The following INO80E variants were observed in gnomAD, a reference collection of about 807,000 sequenced individuals.
INO80E encodes INO80 complex subunit E, also known as coiled-coil domain containing 95.
In INO80E, 20 loss-of-function variants were observed where a neutral mutation model predicts 27.3. The ratio of observed to expected loss-of-function variants is 0.73; its 90% CI spans 0.51 to 1.06. The LOEUF is 1.06. INO80E is among the 50% of genes least tolerant of loss of function. The probability of loss-of-function intolerance (pLI) is 0.00; values close to 1 mark genes in which losing one functional copy is unlikely to be tolerated. For missense variants in INO80E, 357 were observed against 322.8 expected (o/e 1.11, Z -0.81); for synonymous variants, 167 against 145.9 (o/e 1.14, Z -1.04).
rs2070435310 is a variant in INO80E, at chr16:30,003,771, G to A, written c.514-1450G>A. ...GTCAGGCTGAGAGGACGCCACTGAG[G>A]AAGTCCAGGCCAGGGTGGGACATGC... is the stretch of plus-strand genomic sequence containing the variant. On this transcript the variant is annotated intron_variant, in intron 6 of 6. Transcript: ENST00000563197. This position sits in a 1 kb window ranked among gnomAD's most constrained non-coding sequence, Gnocchi z 4.4. The A allele has an allele frequency of 6.6e-6, 1 of 152,390 alleles. No homozygotes were observed. Among genetic ancestry groups the A allele is most frequent in the Non-Finnish European group, 1.5e-5 (1 of 68,096 alleles). 9.4% of individuals were successfully genotyped at this position (152,390 alleles called of 1,614,324 possible).
At chr16:29,996,668 A>G in intron 2 of INO80E, 51 bp downstream of exon 2, 1 of 1,584,042 alleles carries the variant, frequency 6.3e-7, no homozygotes, top group Non-Finnish European at 8.6e-7. Flanking sequence ...GGAAATCTAC[A>G]TTCGGACCCC....
chr16:30,001,015 G>A lies in INO80E; in HGVS notation c.371G>A (p.Gly124Glu). 1.3e-6 allele frequency: 2 copies of A among 1,551,966 alleles called. No individual in the cohort carries two copies. Among genetic ancestry groups the A allele is most frequent in the Non-Finnish European group, 1.7e-6 (2 of 1,147,928 alleles). Residue 124 changes from glycine (G) to glutamate (E), a missense_variant, in exon 5 of 7, where the codon GGG becomes GAG. Coordinates refer to ENST00000563197, the MANE Select transcript of INO80E (RefSeq NM_173618.3). Reference protein sequence around the residue: ...PSTGFPLQASGVPSPYLSSLA... With the variant: ...PSTGFPLQASEVPSPYLSSLA... ...ACAGGGTTTCCCCTTCAGGCCTCCG[G>A]GGTCCCCTCCCCATACCTGAGCTCG...
chr16:29,996,834 AC>A lies in INO80E; in HGVS notation c.180del (p.Tyr60Ter). Reference sequence around the variant, plus strand: ...TTCCTCCTAGACCGACTTCTGCAGTACGAGAACGTGGATGAAGACTCTTCGG... The same window carrying A: ...TTCCTCCTAGACCGACTTCTGCAGTAGAGAACGTGGATGAAGACTCTTCGG... The part of the protein sequence containing the change: ...KSFLLDRLLQ[Y>X]ENVDEDSSDS... On this transcript the variant is annotated frameshift_variant, in exon 3 of 7. Coordinates refer to ENST00000563197, the MANE Select transcript of INO80E (RefSeq NM_173618.3). LOFTEE classifies it high-confidence loss of function. 6.2e-7 allele frequency: 1 copy of A among 1,614,162 alleles called. No individual in the cohort carries two copies. The highest frequency in any genetic ancestry group is 1.3e-5 in the African/African-American group (1 of 75,032).
At chr16:30,001,864 G>C (rs537168858) in intron 6 of INO80E, 7 of 284,926 alleles carry the variant, frequency 2.5e-5, no homozygotes, top group Middle Eastern at 1.1e-3. Context: ...ATGGGATCTA[G>C]AGTCAAGTCA....
At chr16:29,996,731 A>G in intron 2 of INO80E, 77 bp from the exon 3 acceptor site, 5 of 1,593,592 alleles carry the variant, frequency 3.1e-6, no homozygotes, top group African/African-American at 1.3e-5. Context: ...CCGATGGGCC[A>G]GCTGGGAGGG....
At position 30,000,927 on chromosome 16, in the gene INO80E, A is replaced by G; in HGVS notation, c.285-2A>G. ...TCTGACCTCGCCCTGTCCTTTCTCC[A>G]GGAAGAGAAGCCCTCCGCTGGGGGG... On this transcript the variant is annotated splice_acceptor_variant, in intron 4 of 6. Transcript: ENST00000563197. LOFTEE classifies it high-confidence loss of function. The G allele has an allele frequency of 6.2e-7, 1 of 1,601,582 alleles. No homozygotes were observed.
In INO80E at chr16:30,005,747, T is replaced by C; in HGVS notation, c.*305T>C. 2.0e-6 allele frequency: 1 copy of C among 490,916 alleles called. No individual in the cohort carries two copies. The highest frequency in any genetic ancestry group is 3.6e-6 in the Non-Finnish European group (1 of 277,898). The allele number at this position is 490,916 out of a possible 1,614,324, so 30.4% of individuals were successfully genotyped here. A position where few individuals can be genotyped will look rare whatever the true frequency, so the allele number is the denominator to read the frequency against. On this transcript the variant is annotated 3_prime_UTR_variant, in exon 7 of 7. Transcript: ENST00000563197. The stretch of plus-strand genomic sequence containing the variant: ...CTTTAAAAGGGCAGCTGTACAGGGC[T>C]AGGTTTTTTCAATGAAGTTTCTGTA...
rs545788474 is a variant in INO80E, at chr16:30,005,340, C to A, written c.633C>A (p.Pro211=). The A allele has an allele frequency of 6.7e-5, 101 of 1,503,276 alleles. No individual in the cohort carries two copies. Among genetic ancestry groups the A allele is most frequent in the Middle Eastern group, 2.3e-4 (1 of 4,274 alleles). The allele number at this position is 1,503,276 out of a possible 1,614,324, so 93.1% of individuals were successfully genotyped here. A position where few individuals can be genotyped will look rare whatever the true frequency, so the allele number is the denominator to read the frequency against. ...TPLPPPKMPP[P]TILSTVPRQM... is the part of the protein sequence containing the mutation. ...TCCCACCCCCTAAGATGCCCCCCCC[C>A]ACGATCCTGAGCACGGTCCCTCGGC... Residue 211 remains proline, a synonymous_variant, in exon 7 of 7, where the codon CCC becomes CCA. Transcript: ENST00000563197.
intron 3 of INO80E, 29 bp downstream of exon 3, chr16:29,996,889 G>A (rs2070143421): frequency 6.2e-7 from 1 of 1,610,424 alleles, no homozygotes. Context: ...AATTGGTGGA[G>A]AGCATGGTTC....
Position 29,996,861 on chromosome 16 carries a change from G to C in INO80E, c.205+1G>C. The C allele has an allele frequency of 6.2e-7, 1 of 1,614,064 alleles. No homozygotes were observed. Among genetic ancestry groups the C allele is most frequent in the African/African-American group, 1.3e-5 (1 of 75,050 alleles). ...GAGAACGTGGATGAAGACTCTTCGG[G>C]TGAGCAAGGTCTTCAAAAATTGGTG... On this transcript the variant is annotated splice_donor_variant, in intron 3 of 6. Coordinates refer to ENST00000563197, the MANE Select transcript of INO80E (RefSeq NM_173618.3). LOFTEE classifies it high-confidence loss of function.
intron 3 of INO80E, among the ~76,000 whole-genome samples, chr16:29,998,470 C>T (rs917904662): frequency 1.3e-5 from 2 of 152,160 alleles, no homozygotes; most frequent in Non-Finnish European, 2.9e-5. Context: ...CTGCAGTTAA[C>T]TATATTTTAC....
intron 3 of INO80E, among the ~76,000 whole-genome samples, chr16:29,997,165 G>A (rs978382762): frequency 1.1e-4 from 17 of 152,196 alleles, no homozygotes; most frequent in African/African-American, 4.1e-4. Context: ...AGAATTTTAG[G>A]TCATAGGAAG....
chr16:30,001,442 CT>C lies in INO80E; in HGVS notation c.427del (p.Ser143LeufsTer14). ...GCCTCCTCCCGCTACCCCCCATTCCCTTCTGACTACCTGGCCCTGCAGCTGC... is the reference window on the plus strand; with the variant it reads ...GCCTCCTCCCGCTACCCCCCATTCCCTCTGACTACCTGGCCCTGCAGCTGC... ...SLASSRYPPF[P>X]SDYLALQLPE... On this transcript the variant is annotated frameshift_variant, in exon 6 of 7. Coordinates refer to ENST00000563197, the MANE Select transcript of INO80E (RefSeq NM_173618.3). LOFTEE classifies it high-confidence loss of function. 6.2e-7 allele frequency: 1 copy of C among 1,611,706 alleles called. No homozygotes were observed. Among genetic ancestry groups the C allele is most frequent in the South Asian group, 1.1e-5 (1 of 90,582 alleles).
At chr16:30,000,397 G>T (rs1596671416) in intron 3 of INO80E, among the ~76,000 whole-genome samples, 1 of 152,098 alleles carries the variant, frequency 6.6e-6, no homozygotes, top group Admixed American at 6.5e-5. Flanking sequence ...TTGAGGCAGG[G>T]TCTTGCTCTG....
At chr16:29,998,074 T>C (rs1310527411) in intron 3 of INO80E, among the ~76,000 whole-genome samples, 1 of 151,926 alleles carries the variant, frequency 6.6e-6, no homozygotes, top group Non-Finnish European at 1.5e-5. Flanking sequence ...AGCAAGACTG[T>C]CTCAAAAGAA....
Position 30,001,400 on chromosome 16 carries a change from G to A in INO80E, c.397-14G>A, listed in dbSNP as rs754617069. 7.0e-6 allele frequency: 11 copies of A among 1,572,026 alleles called. No homozygotes were observed. Among genetic ancestry groups the A allele is most frequent in the African/African-American group, 2.7e-5 (2 of 73,762 alleles). On this transcript the variant is annotated splice_polypyrimidine_tract_variant and intron_variant, in intron 5 of 6. Transcript: ENST00000563197. ...CATTCCGCCTCCCATCTCCATCCCCGCTCCCGCCCGCAGCTGGCCTCCTCC... is the reference window on the plus strand; with the variant it reads ...CATTCCGCCTCCCATCTCCATCCCCACTCCCGCCCGCAGCTGGCCTCCTCC...
In INO80E at chr16:30,005,624, CTTCAA is replaced by C; in HGVS notation, c.*183_*187del. 1.6e-6 allele frequency: 1 copy of C among 633,910 alleles called. No homozygotes were observed. The highest frequency in any genetic ancestry group is 2.7e-6 in the Non-Finnish European group (1 of 367,752). 39.3% of individuals were successfully genotyped at this position (633,910 alleles called of 1,614,324 possible). On this transcript the variant is annotated 3_prime_UTR_variant, in exon 7 of 7. Coordinates refer to ENST00000563197, the MANE Select transcript of INO80E (RefSeq NM_173618.3). ...CCCAGGAGGGTGGCAGGGGCCCTGC[CTTCAA>C]ACCCCGGCCCCCTCCAGGGGACAGT...
rs149816207 is a variant in INO80E at position 30,005,338 on chromosome 16, C to A, written c.631C>A (p.Pro211Thr). 86 of 1,488,458 alleles carry A rather than the reference C, an allele frequency of 5.8e-5. No individual in the cohort carries two copies. The highest frequency in any genetic ancestry group is 7.4e-5 in the African/African-American group (5 of 67,930). 92.2% of individuals were successfully genotyped at this position (1,488,458 alleles called of 1,614,324 possible). Residue 211 changes from proline (P) to threonine (T), a missense_variant, in exon 7 of 7, where the codon CCC (proline) becomes ACC (threonine). Pro to Thr is a conservative substitution (Grantham distance 38). Transcript: ENST00000563197. ...CCTCCCACCCCCTAAGATGCCCCCCCCCACGATCCTGAGCACGGTCCCTCG... is the reference window on the plus strand; with the variant it reads ...CCTCCCACCCCCTAAGATGCCCCCCACCACGATCCTGAGCACGGTCCCTCG... ...TPLPPPKMPPPTILSTVPRQM... is the reference protein window; with the variant it reads ...TPLPPPKMPPTTILSTVPRQM...
In INO80E at chr16:30,001,427, G is replaced by A. The variant is rs372096211; in HGVS notation, c.410G>A (p.Arg137His). The change falls in exon 6 of 7, where the codon CGC (arginine) becomes CAC (histidine). Residue 137 changes from arginine (R) to histidine (H), a missense_variant. Arg to His is a conservative substitution (Grantham distance 29). Coordinates refer to ENST00000563197, the MANE Select transcript of INO80E (RefSeq NM_173618.3). ...TCCCGCCCGCAGCTGGCCTCCTCCC[G>A]CTACCCCCCATTCCCTTCTGACTAC... The part of the protein sequence containing the change: ...SPYLSSLASS[R>H]YPPFPSDYLA... 1.2e-5 allele frequency: 19 copies of A among 1,602,770 alleles called. No individual in the cohort carries two copies. Among genetic ancestry groups the A allele is most frequent in the South Asian group, 2.2e-5 (2 of 89,522 alleles).
Sources: allele counts gnomAD v4.1 joint callset (sites outside exome capture counted in the v4.1 genomes callset), GRCh38; gene constraint gnomAD v4.1.1; non-coding constraint Gnocchi (gnomAD v3.1); transcripts MANE v1.5; gene names NCBI Gene and HGNC (gene_info 2026-07-23, HGNC 2026-07-21).